Variants in NCOR1 observed in about 807,000 individuals in gnomAD.
The protein encoded by NCOR1 is nuclear receptor corepressor 1.
In NCOR1, 63 loss-of-function variants were observed where a neutral mutation model predicts 288.1. The observed-to-expected ratio is 0.22, with a 90% CI of 0.18 to 0.27. The LOEUF is 0.27. Ranked by LOEUF, NCOR1 falls within the 10% of genes least tolerant of loss-of-function variation. The pLI is 1.00. For missense variants in NCOR1, 2,397 were observed against 3,019.2 expected (o/e 0.79, Z 4.83); for synonymous variants, 1,007 against 1,065.9 (o/e 0.94, Z 1.08).
chr17:16,114,488 T>C (rs1446510241), intron 18 of NCOR1, among the ~76,000 whole-genome samples: 1 of 152,196 alleles, frequency 6.6e-6, no homozygotes, highest in Non-Finnish European at 1.5e-5. Flanking sequence ...CAAAGTCTCA[T>C]CTGAGACAAG....
chr17:16,178,396 G>A (rs1053690396), intron 3 of NCOR1, among the ~76,000 whole-genome samples: 1 of 150,486 alleles, frequency 6.6e-6, no homozygotes, highest in African/African-American at 2.5e-5. Flanking sequence ...CTACTCGGGA[G>A]GCTAAGGCAG....
chr17:16,061,324 T>C (rs2152586447), intron 37 of NCOR1, 77 bp downstream of exon 37: 1 of 1,497,056 alleles, frequency 6.7e-7, no homozygotes, highest in Non-Finnish European at 9.0e-7. Context: ...AAATACCATA[T>C]AGTTCTACTT....
At chr17:16,032,527 G>A (rs2151764681) in intron 45 of NCOR1, 44 bp from the exon 46 acceptor site, 1 of 1,510,958 alleles carries the variant, frequency 6.6e-7, no homozygotes, top group Non-Finnish European at 8.9e-7. Context: ...GAACATAACT[G>A]GTATTTCATC....
chr17:16,163,181 C>T (rs1480146099), intron 5 of NCOR1, among the ~76,000 whole-genome samples: 2 of 151,968 alleles, frequency 1.3e-5, no homozygotes, highest in South Asian at 4.2e-4. Flanking sequence ...TGGACTTCAA[C>T]AAAATTCAAA....
intron 24 of NCOR1, 36 bp from the exon 25 acceptor site, chr17:16,080,545 A>G (rs754074271): frequency 1.9e-6 from 3 of 1,614,024 alleles, no homozygotes; most frequent in Non-Finnish European, 1.7e-6. Context: ...ACAATCCAGT[A>G]CTAAATTACT....
intron 14 of NCOR1, among the ~76,000 whole-genome samples, chr17:16,136,534 C>T (rs556561290): frequency 3.9e-5 from 6 of 152,110 alleles, no homozygotes; most frequent in South Asian, 4.2e-4. Flanking sequence ...AGGCTGGGCG[C>T]GGTGGCTCAT....
Position 16,061,557 on chromosome 17 carries a change from G to A in NCOR1, c.5725C>T (p.Pro1909Ser), listed in dbSNP as rs754398337. The A allele has an allele frequency of 6.2e-7, 1 of 1,614,194 alleles. No homozygotes were observed. The highest frequency in any genetic ancestry group is 8.5e-7 in the Non-Finnish European group (1 of 1,180,040). The change falls in exon 37 of 46, where the codon CCT becomes TCT. Residue 1909 changes from proline to serine, a missense_variant. By Grantham distance (74) the Pro-to-Ser change is moderately conservative. Around this residue, in one of 11 missense-constraint regions of NCOR1, gnomAD observed 1,872 missense variants for 2,187.8 expected, o/e 0.86. Coordinates refer to ENST00000268712, the MANE Select transcript of NCOR1 (RefSeq NM_006311.4). The part of the protein sequence containing the change: ...VYSEAGKDKG[P>S]PPKSRYEEEL... ...TCCTCATATCTGGATTTTGGAGGAGGCCCTTTATCTTTCCCAGCCTCAGAA... is the reference window on the plus strand; with the variant it reads ...TCCTCATATCTGGATTTTGGAGGAGACCCTTTATCTTTCCCAGCCTCAGAA...
intron 8 of NCOR1, among the ~76,000 whole-genome samples, chr17:16,150,186 A>C (rs1163177623): frequency 6.6e-6 from 1 of 152,126 alleles, no homozygotes; most frequent in African/African-American, 2.4e-5. Flanking sequence ...GATTATTCAA[A>C]TATAAATACA....
At chr17:16,109,650 C>A (rs991743924) in intron 18 of NCOR1, among the ~76,000 whole-genome samples, 13 of 152,144 alleles carry the variant, frequency 8.5e-5, no homozygotes, top group African/African-American at 3.1e-4. Context: ...CTGCAAGAAA[C>A]TTCCTTCACT....
intron 44 of NCOR1, among the ~76,000 whole-genome samples, chr17:16,038,385 C>T (rs1188770981): frequency 3.9e-5 from 6 of 152,106 alleles, no homozygotes; most frequent in East Asian, 1.9e-4. Context: ...ATTAGCATTC[C>T]GGATGATGTG....
Position 16,186,563 on chromosome 17 carries a change from C to A in NCOR1, c.233G>T (p.Gly78Val), listed in dbSNP as rs1165343205. Residue 78 changes from glycine (G) to valine (V), a missense_variant, in exon 3 of 46, where the codon GGT becomes GTT. By Grantham distance (109) the Gly-to-Val change is moderately radical. Around this residue, in one of 11 missense-constraint regions of NCOR1, gnomAD observed 110 missense variants for 123.2 expected, o/e 0.89. Transcript: ENST00000268712. Reference protein sequence around the residue: ...RPSLLSEFHPGSDRPQERRTS... With the variant: ...RPSLLSEFHPVSDRPQERRTS... Reference sequence around the variant, plus strand: ...AAAGAAACCTCATTACCTGTCAGAACCTGGGTGAAATTCTGAAAGCAAGGA... The same window carrying A: ...AAAGAAACCTCATTACCTGTCAGAAACTGGGTGAAATTCTGAAAGCAAGGA... 1 of 1,613,848 alleles carries A rather than the reference C, an allele frequency of 6.2e-7. No individual in the cohort carries two copies. The highest frequency in any genetic ancestry group is 8.5e-7 in the Non-Finnish European group (1 of 1,179,882).
At chr17:16,044,435 C>T (rs200747717) in intron 42 of NCOR1, 5 of 471,800 alleles carry the variant, frequency 1.1e-5, no homozygotes, top group Admixed American at 4.7e-5. Context: ...ACTTTCCTTT[C>T]TTTTGACAGG....
chr17:16,146,058 A>G (rs575382142), intron 10 of NCOR1, among the ~76,000 whole-genome samples: 23 of 152,304 alleles, frequency 1.5e-4, no homozygotes, highest in Admixed American at 2.6e-4. Flanking sequence ...GATTAAGGGC[A>G]GTGCAAGATG....
At chr17:16,126,282 T>C (rs2074025962) in intron 14 of NCOR1, 76 bp from the exon 15 acceptor site, 1 of 1,383,910 alleles carries the variant, frequency 7.2e-7, no homozygotes, top group African/African-American at 1.5e-5. Context: ...AAATTATGTC[T>C]ATCTAAAAAA....
At chr17:16,121,373 C>T in intron 15 of NCOR1, 104 bp from the exon 16 acceptor site, 1 of 925,096 alleles carries the variant, frequency 1.1e-6, no homozygotes, top group Non-Finnish European at 1.5e-6. Flanking sequence ...AATAAAACTA[C>T]CTAATCTCTC....
intron 42 of NCOR1, among the ~76,000 whole-genome samples, chr17:16,042,032 C>T (rs1414392789): frequency 1.3e-5 from 2 of 152,152 alleles, no homozygotes; most frequent in African/African-American, 4.8e-5. Context: ...CCGTGCCCGG[C>T]CAGAATGTGA....
chr17:16,087,906 A>T (rs1346795883), intron 22 of NCOR1, among the ~76,000 whole-genome samples: 1 of 152,198 alleles, frequency 6.6e-6, no homozygotes, highest in Non-Finnish European at 1.5e-5. Flanking sequence ...CTCCACATAA[A>T]GCATAAAGAA....
rs540289864 is a variant in NCOR1 at position 16,096,452 on chromosome 17, AGACTT to A, written c.2820+1910_2820+1914del. ...TTAAGGTAAAATATAAAAATAAACTAGACTTGAAATTGTATACTGGAGTTAGCCAT... is the reference window on the plus strand; with the variant it reads ...TTAAGGTAAAATATAAAAATAAACTAGAAATTGTATACTGGAGTTAGCCAT... On this transcript the variant is annotated intron_variant, in intron 21 of 45. Transcript: ENST00000268712. Among the ~76,000 whole-genome samples the A allele has an allele frequency of 2.8e-3, 429 of 152,354 alleles. 3 individuals carry two copies. Among genetic ancestry groups the A allele is most frequent in the African/African-American group, 9.5e-3 (396 of 41,584 alleles).
intron 14 of NCOR1, among the ~76,000 whole-genome samples, chr17:16,131,701 T>G (rs1374489502): frequency 6.6e-6 from 1 of 152,240 alleles, no homozygotes; most frequent in Admixed American, 6.5e-5. Flanking sequence ...TATCAAAATT[T>G]ATTAACAATT....
Sources: allele counts gnomAD v4.1 joint callset (sites outside exome capture counted in the v4.1 genomes callset), GRCh38; gene constraint gnomAD v4.1.1; regional missense constraint gnomAD v4.1.1; transcripts MANE v1.5; gene names NCBI Gene and HGNC (gene_info 2026-07-23, HGNC 2026-07-21).